Variants in NAALADL2 observed in about 807,000 individuals in gnomAD.
NAALADL2 encodes inactive N-acetylated-alpha-linked acidic dipeptidase-like protein 2.
In NAALADL2, 76 loss-of-function variants were observed where a neutral mutation model predicts 87.2. That is an observed-to-expected ratio of 0.87 (90% CI 0.72 to 1.05). The LOEUF (loss-of-function observed/expected upper bound fraction) is 1.05. Among genes scored for constraint, NAALADL2 ranks in the 50% least tolerant of loss-of-function variants. The pLI is 0.00. For missense variants in NAALADL2, 1,089 were observed against 945.8 expected, an observed-to-expected ratio of 1.15 and a Z score of -1.99; for synonymous variants, 354 against 331.0, an observed-to-expected ratio of 1.07 and a Z score of -0.75.
At chr3:174,648,417 T>C (rs1207234705) in intron 2 of NAALADL2, among the ~76,000 whole-genome samples, 1 of 152,120 alleles carries the variant, frequency 6.6e-6, no homozygotes, top group Non-Finnish European at 1.5e-5. Context: ...TTGATACTAT[T>C]GGCAGTATCA....
intron 1 of NAALADL2, among the ~76,000 whole-genome samples, chr3:174,497,731 A>G (rs549888356): frequency 4.6e-5 from 7 of 152,302 alleles, no homozygotes; most frequent in African/African-American, 1.4e-4. Flanking sequence ...CTTAATAAAT[A>G]TCTTTTGAAT....
At chr3:175,628,354 A>G (rs1243151474) in intron 11 of NAALADL2, among the ~76,000 whole-genome samples, 1 of 151,644 alleles carries the variant, frequency 6.6e-6, no homozygotes, top group Non-Finnish European at 1.5e-5. Context: ...CATTTTCAAC[A>G]GGTATTTTCA....
chr3:174,757,481 A>G lies in NAALADL2; in HGVS notation c.-9+19735A>G, dbSNP rs1180152116. On this transcript the variant is annotated intron_variant, in intron 3 of 3. Coordinates refer to the NAALADL2 transcript ENST00000434257. ...TTCCTCAGTGTTGGCCTGAGATGAA[A>G]ATAGAGATAACTTTTCTTTTTTTTT... Among the ~76,000 whole-genome samples the G allele has an allele frequency of 3.9e-5, 6 of 152,040 alleles. No individual in the cohort carries two copies. In the East Asian group the frequency reaches 9.6e-4, roughly 24 times the overall value.
At chr3:175,637,166 G>C (rs1203794704) in intron 11 of NAALADL2, among the ~76,000 whole-genome samples, 1 of 152,228 alleles carries the variant, frequency 6.6e-6, no homozygotes, top group East Asian at 1.9e-4. Flanking sequence ...ATATTCTTCA[G>C]CTTTGCTGTC....
chr3:174,860,664 G>T (rs1294886069), intron 1 of NAALADL2, among the ~76,000 whole-genome samples: 1 of 151,958 alleles, frequency 6.6e-6, no homozygotes, highest in Non-Finnish European at 1.5e-5. Context: ...CCTATTCTAG[G>T]CTGTGTGGGT....
intron 10 of NAALADL2, among the ~76,000 whole-genome samples, chr3:175,620,870 A>G (rs1195362780): frequency 1.3e-5 from 2 of 152,178 alleles, no homozygotes; most frequent in African/African-American, 4.8e-5. Flanking sequence ...AGTTTGAGTG[A>G]AAGAAGGAAA....
At chr3:175,789,761 A>ATATT (rs574289263) in intron 13 of NAALADL2, among the ~76,000 whole-genome samples, 45 of 152,186 alleles carry the variant, frequency 3.0e-4, no homozygotes, top group Non-Finnish European at 6.2e-4. Flanking sequence ...AGGTGGATAT[A>ATATT]TATTAATAGA....
chr3:174,815,396 T>A (rs1393600960), intron 3 of NAALADL2, among the ~76,000 whole-genome samples: 1 of 151,990 alleles, frequency 6.6e-6, no homozygotes, highest in Non-Finnish European at 1.5e-5. Context: ...ATCATCTTCC[T>A]TCTGTACATG....
intron 1 of NAALADL2, among the ~76,000 whole-genome samples, chr3:175,075,178 C>T (rs1254067363): frequency 6.6e-6 from 1 of 152,028 alleles, no homozygotes; most frequent in Non-Finnish European, 1.5e-5. Context: ...AGCAACTTGT[C>T]CAAAATATAA....
intron 10 of NAALADL2, among the ~76,000 whole-genome samples, chr3:175,622,784 CA>C (rs1196927149): frequency 1.2e-4 from 19 of 152,108 alleles, no homozygotes; most frequent in African/African-American, 4.6e-4. Context: ...AAACTTAAAC[CA>C]CAATGTGTAT....
At chr3:175,445,378 C>G (rs1560563466) in intron 5 of NAALADL2, among the ~76,000 whole-genome samples, 1 of 151,856 alleles carries the variant, frequency 6.6e-6, no homozygotes. Context: ...AAAAATGTCA[C>G]CTTCTCCTCC....
At chr3:175,666,597 T>A (rs1243387270) in intron 11 of NAALADL2, among the ~76,000 whole-genome samples, 1 of 152,216 alleles carries the variant, frequency 6.6e-6, no homozygotes, top group Non-Finnish European at 1.5e-5. Context: ...ATCATTATTA[T>A]GCACGATGAG....
intron 5 of NAALADL2, among the ~76,000 whole-genome samples, chr3:175,364,193 C>T (rs953690023): frequency 6.8e-6 from 1 of 148,052 alleles, no homozygotes; most frequent in South Asian, 2.2e-4. Flanking sequence ...CACCATCTCT[C>T]CTCTCTCATT....
At chr3:174,742,859 G>A (rs1051412117) in intron 3 of NAALADL2, among the ~76,000 whole-genome samples, 5 of 151,442 alleles carry the variant, frequency 3.3e-5, no homozygotes, top group Non-Finnish European at 7.4e-5. Flanking sequence ...AAATACAAAA[G>A]GACTGTTATT....
intron 3 of NAALADL2, among the ~76,000 whole-genome samples, chr3:174,770,578 C>T (rs569053427): frequency 6.6e-6 from 1 of 152,172 alleles, no homozygotes; most frequent in South Asian, 2.1e-4. Context: ...TGGTGGCTCA[C>T]GCCTGTAATC....
chr3:175,104,121 C>A (rs997166225), intron 2 of NAALADL2, among the ~76,000 whole-genome samples: 3 of 152,118 alleles, frequency 2.0e-5, no homozygotes, highest in Non-Finnish European at 4.4e-5. Context: ...CCTTTCCACA[C>A]CTGCCACCCA....
At chr3:174,871,250 C>T (rs900119881) in intron 1 of NAALADL2, among the ~76,000 whole-genome samples, 1 of 152,130 alleles carries the variant, frequency 6.6e-6, no homozygotes, top group African/African-American at 2.4e-5. Flanking sequence ...ATGTAAAAGC[C>T]ATAAACTCCT....
chr3:175,495,189 A>T (rs1728649280), intron 9 of NAALADL2, among the ~76,000 whole-genome samples: 1 of 151,614 alleles, frequency 6.6e-6, no homozygotes, highest in Non-Finnish European at 1.5e-5. Context: ...TGAATTCTTA[A>T]GTGTCCAAAC....
intron 10 of NAALADL2, among the ~76,000 whole-genome samples, chr3:175,601,011 A>C (rs1301072810): frequency 5.3e-5 from 8 of 152,286 alleles, no homozygotes; most frequent in Admixed American, 2.6e-4. Flanking sequence ...TAGTCTTTCC[A>C]TCTGCATTTC....
Sources: allele counts gnomAD v4.1 joint callset (sites outside exome capture counted in the v4.1 genomes callset), GRCh38; gene constraint gnomAD v4.1.1; transcripts MANE v1.5; gene names NCBI Gene and HGNC (gene_info 2026-07-23, HGNC 2026-07-21).